The following AK8 variants were observed in gnomAD, a reference collection of about 807,000 sequenced individuals.
The protein encoded by AK8 is adenylate kinase 8, also known as ATP-AMP transphosphorylase 8.
AK8 carries 44 observed loss-of-function variants against 54.6 expected under a neutral mutation model. The ratio of observed to expected loss-of-function variants is 0.81; its 90% CI spans 0.63 to 1.04. The LOEUF is 1.04. Ranked by LOEUF, AK8 falls within the 50% of genes least tolerant of loss-of-function variation. The pLI, the probability that AK8 is intolerant of heterozygous loss-of-function variation, is 0.00. For synonymous variants in AK8, 239 were observed against 245.6 expected (o/e 0.97, Z 0.25); for missense variants, 555 against 613.6 (o/e 0.90, Z 1.01).
rs553672934 is a variant in AK8, at chr9:132,808,095, T to C, written c.979+6543A>G. Among the ~76,000 whole-genome samples, 129 of 152,214 alleles carry C rather than the reference T, an allele frequency of 8.5e-4. 1 individual carries two copies. Among genetic ancestry groups the C allele is most frequent in the Non-Finnish European group, 1.3e-3 (91 of 68,006 alleles). ...TCATTTTAAATGATACAGAAACAGC[T>C]GAGAACTTATTTTTCCAAAAGCCCA... is the stretch of plus-strand genomic sequence containing the variant. On this transcript the variant is annotated intron_variant, in intron 10 of 12. Coordinates refer to ENST00000298545, the MANE Select transcript of AK8 (RefSeq NM_152572.3).
intron 11 of AK8, among the ~76,000 whole-genome samples, chr9:132,737,890 G>A (rs1837192256): frequency 6.6e-6 from 1 of 152,160 alleles, no homozygotes; most frequent in Non-Finnish European, 1.5e-5. Context: ...GACCAGAAAA[G>A]GATACAACAA....
intron 11 of AK8, among the ~76,000 whole-genome samples, chr9:132,744,645 A>C (rs902581798): frequency 6.6e-6 from 1 of 152,218 alleles, no homozygotes; most frequent in African/African-American, 2.4e-5. Context: ...GTATTAATTA[A>C]GGGGGAAAAG....
chr9:132,735,591 G>T (rs1169675477), intron 11 of AK8, among the ~76,000 whole-genome samples: 1 of 152,162 alleles, frequency 6.6e-6, no homozygotes, highest in African/African-American at 2.4e-5. Flanking sequence ...TGGCTAGACT[G>T]TAGAGAGATT....
intron 4 of AK8, among the ~76,000 whole-genome samples, chr9:132,862,310 G>A (rs866863823): frequency 5.1e-4 from 78 of 151,762 alleles, no homozygotes; most frequent in African/African-American, 1.9e-3. Flanking sequence ...GTCTGTCGAA[G>A]TCACACCCCT....
chr9:132,821,342 ACTG>A (rs1329896294), intron 9 of AK8, among the ~76,000 whole-genome samples: 8 of 152,136 alleles, frequency 5.3e-5, no homozygotes, highest in Admixed American at 2.0e-4. Flanking sequence ...CCACAGGTAG[ACTG>A]CTGGTCATCG....
At chr9:132,764,303 C>G (rs1838622727) in intron 11 of AK8, among the ~76,000 whole-genome samples, 1 of 152,032 alleles carries the variant, frequency 6.6e-6, no homozygotes, top group South Asian at 2.1e-4. Context: ...GAGCAAGACT[C>G]TGTCTCAAAA....
At chr9:132,749,355 G>T (rs531891704) in intron 11 of AK8, among the ~76,000 whole-genome samples, 8 of 151,890 alleles carry the variant, frequency 5.3e-5, no homozygotes, top group Admixed American at 1.3e-4. Context: ...CTGGGTTCAG[G>T]TGCTGGACGC....
chr9:132,861,023 C>T lies in AK8; in HGVS notation c.333+2642G>A, dbSNP rs370511308. Among the ~76,000 whole-genome samples, 26 of 152,362 alleles carry T rather than the reference C, an allele frequency of 1.7e-4. No homozygotes were observed. In the East Asian group the frequency reaches 4.0e-3, roughly 24 times the overall value. On this transcript the variant is annotated intron_variant, in intron 4 of 12. Transcript: ENST00000298545. ...CCAAGGCTAGACTGCCATGAGCTGA[C>T]ATCTGTCGAAGCAGGGGATGGATCC...
intron 11 of AK8, among the ~76,000 whole-genome samples, chr9:132,772,893 C>T (rs1261372251): frequency 6.6e-6 from 1 of 152,212 alleles, no homozygotes; most frequent in East Asian, 1.9e-4. Context: ...TGGTCCAGGC[C>T]TCTGGCACCT....
chr9:132,858,849 G>C (rs1054531554), intron 4 of AK8, among the ~76,000 whole-genome samples: 1 of 152,148 alleles, frequency 6.6e-6, no homozygotes, highest in African/African-American at 2.4e-5. Context: ...ACCTCATAGC[G>C]TGGCACCCAG....
At chr9:132,875,076 G>A (rs1844030692) in intron 2 of AK8, 39 bp downstream of exon 2, 1 of 1,611,672 alleles carries the variant, frequency 6.2e-7, no homozygotes, top group Non-Finnish European at 8.5e-7. Flanking sequence ...AGGAGGGGAA[G>A]GGAAGACGAG....
intron 11 of AK8, among the ~76,000 whole-genome samples, chr9:132,779,309 T>A (rs57227693): frequency 0.019 from 2,961 of 152,244 alleles, 90 homozygotes; most frequent in African/African-American, 0.065. Flanking sequence ...TGTGTGTGCT[T>A]TATTTATTTA....
intron 9 of AK8, among the ~76,000 whole-genome samples, chr9:132,819,748 T>C (rs368217656): frequency 3.9e-4 from 60 of 152,276 alleles, no homozygotes; most frequent in African/African-American, 1.3e-3. Context: ...AATTCACCAG[T>C]ATAGACCATA....
intron 4 of AK8, among the ~76,000 whole-genome samples, chr9:132,857,716 G>A (rs1843229457): frequency 6.6e-6 from 1 of 152,218 alleles, no homozygotes. Context: ...AGGACGCAGG[G>A]GGTGCCAGCC....
intron 10 of AK8, among the ~76,000 whole-genome samples, chr9:132,809,981 C>T (rs147836006): frequency 5.4e-4 from 83 of 152,362 alleles, no homozygotes; most frequent in Middle Eastern, 3.4e-3. Context: ...TTTCAGCTGG[C>T]GGTGAAGTGG....
chr9:132,823,119 C>A (rs957841469), intron 9 of AK8, 86 bp downstream of exon 9: 1 of 1,464,172 alleles, frequency 6.8e-7, no homozygotes, highest in Non-Finnish European at 9.0e-7. Context: ...CCAACACCAC[C>A]CCCCATAAAA....
intron 11 of AK8, among the ~76,000 whole-genome samples, chr9:132,754,159 C>T (rs1162496667): frequency 6.6e-6 from 1 of 152,204 alleles, no homozygotes; most frequent in African/African-American, 2.4e-5. Flanking sequence ...CAACAACATG[C>T]TACCAGGAGA....
chr9:132,848,016 G>A (rs2809258), intron 5 of AK8, among the ~76,000 whole-genome samples: 3 of 151,514 alleles, frequency 2.0e-5, no homozygotes, highest in Non-Finnish European at 2.9e-5. Context: ...CTCAGGAAGC[G>A]GAGGTGGGAG....
At chr9:132,804,043 T>C (rs1462797998) in intron 10 of AK8, among the ~76,000 whole-genome samples, 1 of 147,680 alleles carries the variant, frequency 6.8e-6, no homozygotes, top group Non-Finnish European at 1.5e-5. Context: ...GAGGCGAAAG[T>C]TGTAGTGAGC....
Sources: allele counts gnomAD v4.1 joint callset (sites outside exome capture counted in the v4.1 genomes callset), GRCh38; gene constraint gnomAD v4.1.1; transcripts MANE v1.5; gene names NCBI Gene and HGNC (gene_info 2026-07-23, HGNC 2026-07-21).